Variants in GRIA1 observed in about 807,000 individuals in gnomAD.
GRIA1 encodes glutamate receptor 1.
A neutral mutation model predicts 99.2 loss-of-function variants in GRIA1; 31 were observed. That is an observed-to-expected ratio of 0.31 (90% confidence interval 0.23 to 0.42). GRIA1 has a LOEUF of 0.42. GRIA1 is among the 10% of genes least tolerant of loss of function. GRIA1 has a pLI of 1.00. For synonymous variants in GRIA1, 438 were observed against 432.4 expected (o/e 1.01, Z -0.16); for missense variants, 782 against 1,157.5 (o/e 0.68, Z 4.71).
At chr5:153,682,158 T>G (rs1283338819) in intron 7 of GRIA1, among the ~76,000 whole-genome samples, 1 of 152,124 alleles carries the variant, frequency 6.6e-6, no homozygotes, top group East Asian at 1.9e-4. Flanking sequence ...AGGAGGGTTC[T>G]GAGATTTGCT....
intron 2 of GRIA1, among the ~76,000 whole-genome samples, chr5:153,560,772 G>A (rs1761051543): frequency 6.6e-6 from 1 of 152,174 alleles, no homozygotes; most frequent in African/African-American, 2.4e-5. Flanking sequence ...CATAAGCTAT[G>A]GGCCTTTGGT....
chr5:153,571,593 G>A (rs1409672777), intron 2 of GRIA1, among the ~76,000 whole-genome samples: 1 of 152,036 alleles, frequency 6.6e-6, no homozygotes, highest in Non-Finnish European at 1.5e-5. Context: ...CAGGTGGTGG[G>A]CTAGACTTGG....
At chr5:153,606,373 G>A (rs1765436033) in intron 2 of GRIA1, among the ~76,000 whole-genome samples, 1 of 151,800 alleles carries the variant, frequency 6.6e-6, no homozygotes, top group South Asian at 2.1e-4. Context: ...AAATTGTTTT[G>A]GCTATTATTA....
chr5:153,545,804 T>C (rs1002254313), intron 2 of GRIA1, among the ~76,000 whole-genome samples: 2 of 152,228 alleles, frequency 1.3e-5, no homozygotes, highest in African/African-American at 4.8e-5. Flanking sequence ...TGAATGATAA[T>C]ATTTAAATGA....
chr5:153,676,739 T>C (rs1756613594), intron 6 of GRIA1, among the ~76,000 whole-genome samples: 1 of 152,162 alleles, frequency 6.6e-6, no homozygotes, highest in Admixed American at 6.5e-5. Flanking sequence ...AAATTATAAC[T>C]GGCAGTACTG....
chr5:153,731,196 T>C (rs1032161947), intron 11 of GRIA1, among the ~76,000 whole-genome samples: 1 of 151,380 alleles, frequency 6.6e-6, no homozygotes, highest in African/African-American at 2.4e-5. Flanking sequence ...TCTCTCTTCT[T>C]TCTCTCTCTC....
chr5:153,764,329 G>A, intron 11 of GRIA1, 105 bp from the exon 12 acceptor site: 2 of 796,968 alleles, frequency 2.5e-6, no homozygotes, highest in Non-Finnish European at 4.5e-6. Context: ...GTGCAATAGG[G>A]CCTGACCGCT....
intron 2 of GRIA1, among the ~76,000 whole-genome samples, chr5:153,545,004 C>T (rs979618143): frequency 3.3e-5 from 5 of 152,154 alleles, no homozygotes; most frequent in Non-Finnish European, 7.4e-5. Context: ...TTAGCTTCCT[C>T]TTCTGTTATG....
In GRIA1 at chr5:153,745,144, G is replaced by A. The variant is rs1762057302; in HGVS notation, c.1824-19290G>A. Among the ~76,000 whole-genome samples, 3 of 152,144 alleles carry A rather than the reference G, an allele frequency of 2.0e-5. No homozygotes were observed. The South Asian group carries it at 6.2e-4, about 32-fold the overall frequency. ...CCACTGTCTAGAGTGTGTTCCTCTA[G>A]ATTTTTCTCACGTCTAGATTATTCT... On this transcript the variant is annotated intron_variant, in intron 11 of 15. Transcript: ENST00000285900.
At chr5:153,511,821 G>T (rs376835179) in intron 2 of GRIA1, among the ~76,000 whole-genome samples, 24 of 152,128 alleles carry the variant, frequency 1.6e-4, no homozygotes, top group African/African-American at 5.8e-4. Flanking sequence ...AGGAATTGCC[G>T]GTGATTTCAG....
At chr5:153,546,465 TA>T (rs1156546658) in intron 2 of GRIA1, among the ~76,000 whole-genome samples, 1 of 152,176 alleles carries the variant, frequency 6.6e-6, no homozygotes, top group Non-Finnish European at 1.5e-5. Flanking sequence ...CAATAATTAT[TA>T]CCGATGATGA....
At chr5:153,548,998 G>T (rs1376538557) in intron 2 of GRIA1, among the ~76,000 whole-genome samples, 1 of 152,054 alleles carries the variant, frequency 6.6e-6, no homozygotes, top group Non-Finnish European at 1.5e-5. Context: ...GGATGTTTAG[G>T]ATGTCTGTGT....
At chr5:153,614,938 G>C (rs1288866805) in intron 2 of GRIA1, among the ~76,000 whole-genome samples, 1 of 152,182 alleles carries the variant, frequency 6.6e-6, no homozygotes, top group African/African-American at 2.4e-5. Flanking sequence ...TTAAGATAAG[G>C]AATCAGATTC....
At chr5:153,727,639 G>C (rs868848334) in intron 11 of GRIA1, among the ~76,000 whole-genome samples, 1 of 152,268 alleles carries the variant, frequency 6.6e-6, no homozygotes, top group South Asian at 2.1e-4. Context: ...ATTCACAATT[G>C]CTTCAAAGAG....
chr5:153,674,000 C>A (rs1379708433), intron 5 of GRIA1, among the ~76,000 whole-genome samples: 3 of 152,196 alleles, frequency 2.0e-5, no homozygotes, highest in African/African-American at 7.2e-5. Context: ...CTCATAGGAG[C>A]TTGCCCAGTG....
intron 2 of GRIA1, among the ~76,000 whole-genome samples, chr5:153,571,898 C>T (rs1335675445): frequency 2.6e-5 from 4 of 152,108 alleles, no homozygotes; most frequent in Admixed American, 2.6e-4. Flanking sequence ...CATTTCCTGC[C>T]TTCATTTTCC....
intron 5 of GRIA1, among the ~76,000 whole-genome samples, chr5:153,663,492 C>T (rs1405095929): frequency 6.6e-6 from 1 of 152,180 alleles, no homozygotes; most frequent in African/African-American, 2.4e-5. Flanking sequence ...TTGCAAGTCA[C>T]TTCTCCTGTT....
At chr5:153,578,980 C>G (rs1249611986) in intron 2 of GRIA1, among the ~76,000 whole-genome samples, 1 of 151,446 alleles carries the variant, frequency 6.6e-6, no homozygotes, top group Non-Finnish European at 1.5e-5. Context: ...CTTTTCTCTC[C>G]TGAAAACAAG....
intron 15 of GRIA1, among the ~76,000 whole-genome samples, chr5:153,808,500 T>G (rs1380771199): frequency 6.6e-6 from 1 of 152,200 alleles, no homozygotes; most frequent in East Asian, 1.9e-4. Flanking sequence ...TCAGGTTGTC[T>G]GTAAAGTAAA....
Sources: gnomAD v4.1 joint callset for allele counts (sites outside exome capture counted in the v4.1 genomes callset) on GRCh38, gnomAD v4.1.1 for gene constraint, MANE v1.5 for transcripts, NCBI Gene and HGNC (gene_info 2026-07-23, HGNC 2026-07-21) for gene names.